Variants in STIM1 observed in about 807,000 individuals in gnomAD.
The protein encoded by STIM1 is stromal interaction molecule 1.
STIM1 carries 25 observed loss-of-function variants against 74.7 expected under a neutral mutation model. The observed-to-expected ratio is 0.33, with a 90% CI of 0.24 to 0.47. The LOEUF (loss-of-function observed/expected upper bound fraction) is 0.47. STIM1 is among the 20% of genes least tolerant of loss of function. The probability of loss-of-function intolerance (pLI) is 1.00; values close to 1 mark genes in which losing one functional copy is unlikely to be tolerated. For missense variants in STIM1, 728 were observed against 920.8 expected (o/e 0.79, Z 2.71); for synonymous variants, 328 against 348.8 (o/e 0.94, Z 0.66).
At chr11:3,920,128 A>AT (rs34962527) in intron 1 of STIM1, among the ~76,000 whole-genome samples, 11 of 149,112 alleles carry the variant, frequency 7.4e-5, no homozygotes, top group Non-Finnish European at 1.2e-4. Flanking sequence ...GAAGTGTACA[A>AT]TTTTTTTTTT....
intron 1 of STIM1, among the ~76,000 whole-genome samples, chr11:3,872,193 T>C (rs186213340): frequency 0.01 from 1,548 of 152,164 alleles, 33 homozygotes; most frequent in African/African-American, 0.035. Context: ...GCTGGGACTA[T>C]AGGCGTGTGC....
At chr11:3,904,196 C>CAAAAAAAAAAAAAAAAAAAAA (rs57908154) in intron 1 of STIM1, among the ~76,000 whole-genome samples, 16 of 73,860 alleles carry the variant, frequency 2.2e-4, no homozygotes, top group Admixed American at 5.6e-4. Context: ...GACTCTGTCT[C>CAAAAAAAAAAAAAAAAAAAAA]AAAAAAAAAA....
chr11:4,041,248 C>T (rs2094144727), intron 3 of STIM1, among the ~76,000 whole-genome samples: 1 of 152,170 alleles, frequency 6.6e-6, no homozygotes, highest in African/African-American at 2.4e-5. Flanking sequence ...ATATTATATT[C>T]ATTTGTTTCC....
chr11:4,014,011 C>A (rs1265193239), intron 2 of STIM1, among the ~76,000 whole-genome samples: 1 of 151,992 alleles, frequency 6.6e-6, no homozygotes, highest in Non-Finnish European at 1.5e-5. Flanking sequence ...CTGGCTGATT[C>A]ATTGATTTTT....
chr11:4,081,026 C>T (rs992456021), intron 7 of STIM1, among the ~76,000 whole-genome samples: 1 of 152,006 alleles, frequency 6.6e-6, no homozygotes, highest in Non-Finnish European at 1.5e-5. Context: ...GAACAGAAAC[C>T]AAGTGAAGAT....
chr11:3,991,572 A>G (rs1057099122), intron 2 of STIM1, among the ~76,000 whole-genome samples: 3 of 151,982 alleles, frequency 2.0e-5, no homozygotes, highest in African/African-American at 7.3e-5. Flanking sequence ...TTAGTAGAAT[A>G]ATTTATTTTC....
chr11:3,935,099 C>T (rs1351163993), intron 1 of STIM1, among the ~76,000 whole-genome samples: 2 of 152,266 alleles, frequency 1.3e-5, no homozygotes. Flanking sequence ...CATTCTGCAT[C>T]TAAGACAAAA....
chr11:4,042,894 A>G (rs972001005), intron 3 of STIM1, among the ~76,000 whole-genome samples: 1 of 152,236 alleles, frequency 6.6e-6, no homozygotes, highest in African/African-American at 2.4e-5. Flanking sequence ...CATTTAATTC[A>G]ACAACTCTGG....
chr11:4,084,634 C>T (rs888181531), intron 10 of STIM1, 39 bp from the exon 11 acceptor site: 7 of 1,284,984 alleles, frequency 5.4e-6, no homozygotes, highest in Non-Finnish European at 7.1e-6. Flanking sequence ...CTCCATAAAT[C>T]AGATTCTCTT....
intron 1 of STIM1, among the ~76,000 whole-genome samples, chr11:3,923,024 G>A (rs931418127): frequency 2.6e-5 from 4 of 151,636 alleles, no homozygotes; most frequent in African/African-American, 4.8e-5. Flanking sequence ...GTGTGAACCC[G>A]GGAGGCGGAG....
At chr11:4,028,199 A>T (rs1156343531) in intron 3 of STIM1, among the ~76,000 whole-genome samples, 1 of 151,916 alleles carries the variant, frequency 6.6e-6, no homozygotes, top group African/African-American at 2.4e-5. Context: ...CTTTTGCCTC[A>T]GCCTCCCGAG....
At chr11:4,070,577 A>C (rs1008273819) in intron 6 of STIM1, among the ~76,000 whole-genome samples, 3 of 152,186 alleles carry the variant, frequency 2.0e-5, no homozygotes, top group Non-Finnish European at 4.4e-5. Flanking sequence ...TCCCCAAAGA[A>C]ACCTCAAAAC....
intron 3 of STIM1, among the ~76,000 whole-genome samples, chr11:4,040,423 T>A (rs1049286977): frequency 1.3e-5 from 2 of 152,174 alleles, no homozygotes; most frequent in African/African-American, 4.8e-5. Context: ...CTTTCTCATT[T>A]GTTGATCTGT....
At chr11:3,923,846 A>T (rs2092751247) in intron 1 of STIM1, among the ~76,000 whole-genome samples, 2 of 151,980 alleles carry the variant, frequency 1.3e-5, no homozygotes, top group Admixed American at 1.3e-4. Flanking sequence ...TTCTATGTGA[A>T]TTTTAGAACT....
intron 1 of STIM1, among the ~76,000 whole-genome samples, chr11:3,917,911 T>C (rs2092669355): frequency 6.6e-6 from 1 of 152,236 alleles, no homozygotes; most frequent in African/African-American, 2.4e-5. Flanking sequence ...ACTGACTAGA[T>C]AGTTGATTTT....
At chr11:3,904,215 A>AAAAAAAAAAAAAAAAAAAAAAAAAAAC (rs2092420011) in intron 1 of STIM1, among the ~76,000 whole-genome samples, 1 of 126,624 alleles carries the variant, frequency 7.9e-6, no homozygotes. Flanking sequence ...AAAAAAAAAA[A>AAAAAAAAAAAAAAAAAAAAAAAAAAAC]AAAAGAAAAT....
chr11:3,959,936 G>A (rs1163981478), intron 1 of STIM1, among the ~76,000 whole-genome samples: 1 of 152,166 alleles, frequency 6.6e-6, no homozygotes, highest in Non-Finnish European at 1.5e-5. Flanking sequence ...AGTAATGACT[G>A]TATTCCTCAC....
At chr11:3,984,165 C>T (rs1463705011) in intron 2 of STIM1, among the ~76,000 whole-genome samples, 3 of 152,170 alleles carry the variant, frequency 2.0e-5, no homozygotes, top group African/African-American at 7.2e-5. Context: ...CGTGTCCAGC[C>T]TCTTTCTCCT....
chr11:3,905,287 CTT>C (rs1338628149), intron 1 of STIM1, among the ~76,000 whole-genome samples: 1 of 151,256 alleles, frequency 6.6e-6, no homozygotes, highest in African/African-American at 2.4e-5. Flanking sequence ...GAACAAAAGA[CTT>C]TTTTGAGAAA....
Sources: gnomAD v4.1 joint callset for allele counts (sites outside exome capture counted in the v4.1 genomes callset) on GRCh38, gnomAD v4.1.1 for gene constraint, MANE v1.5 for transcripts, NCBI Gene and HGNC (gene_info 2026-07-23, HGNC 2026-07-21) for gene names.